Variants in VEZT observed in about 807,000 individuals in gnomAD.
The protein encoded by VEZT is vezatin, adherens junctions transmembrane protein, also known as vezatin.
In VEZT, 39 loss-of-function variants were observed where a neutral mutation model predicts 79.9. The ratio of observed to expected loss-of-function variants is 0.49; its 90% confidence interval spans 0.38 to 0.64. The LOEUF is 0.64. Ranked by LOEUF, VEZT falls within the 30% of genes least tolerant of loss-of-function variation. The probability of loss-of-function intolerance (pLI) is 0.00; values close to 1 mark genes in which losing one functional copy is unlikely to be tolerated. For synonymous variants in VEZT, 325 were observed against 327.6 expected (o/e 0.99, Z 0.09); for missense variants, 837 against 893.1 (o/e 0.94, Z 0.80).
At chr12:95,247,960 A>G (rs78552001) in intron 1 of VEZT, among the ~76,000 whole-genome samples, 10,284 of 152,244 alleles carry the variant, frequency 0.068, 422 homozygotes, top group South Asian at 0.11. Context: ...TAAACCTGCA[A>G]TACATTCACC....
At chr12:95,229,404 C>T (rs558004474) in intron 1 of VEZT, among the ~76,000 whole-genome samples, 4 of 152,092 alleles carry the variant, frequency 2.6e-5, no homozygotes, top group African/African-American at 4.8e-5. Flanking sequence ...GAGGACCAGA[C>T]GAGGAGTCAA....
chr12:95,271,176 CTT>C (rs1410697665), intron 6 of VEZT, among the ~76,000 whole-genome samples: 1 of 150,074 alleles, frequency 6.7e-6, no homozygotes, highest in Non-Finnish European at 1.5e-5. Context: ...TTTTCTCTCT[CTT>C]TCTCTCTCTT....
chr12:95,269,385 A>G (rs1269059833), intron 5 of VEZT, among the ~76,000 whole-genome samples: 2 of 152,102 alleles, frequency 1.3e-5, no homozygotes, highest in Non-Finnish European at 2.9e-5. Context: ...TTGCCTTTCT[A>G]CTTGTATTCC....
At chr12:95,231,195 T>G (rs576873719) in intron 1 of VEZT, among the ~76,000 whole-genome samples, 3 of 152,338 alleles carry the variant, frequency 2.0e-5, no homozygotes, top group African/African-American at 7.2e-5. Context: ...TGTGTCTTAC[T>G]TTTTCTTGGT....
chr12:95,276,259 C>CTTTTT (rs35034660), intron 7 of VEZT, among the ~76,000 whole-genome samples: 71 of 75,132 alleles, frequency 9.5e-4, no homozygotes, highest in Admixed American at 1.2e-3. Context: ...TAATTTTTTT[C>CTTTTT]TTTTTTTTTT....
Position 95,282,444 on chromosome 12 carries a change from T to C in VEZT, c.1128T>C (p.Asp376=). ...TTCTGCCTCATCGTATCTTATCTGA[T>C]GTGACTCAAGGTCTACCTCATGCTC... The part of the protein sequence containing the change: ...PALLPHRILS[D]VTQGLPHAHS... Residue 376 remains aspartate (D), a synonymous_variant, in exon 8 of 12, where the codon GAT becomes GAC. Coordinates refer to ENST00000436874, the MANE Select transcript of VEZT (RefSeq NM_017599.4). 6.2e-7 allele frequency: 1 copy of C among 1,614,036 alleles called. No individual in the cohort carries two copies. Among genetic ancestry groups the C allele is most frequent in the Non-Finnish European group, 8.5e-7 (1 of 1,179,898 alleles).
At chr12:95,230,774 T>C (rs2059169318) in intron 1 of VEZT, among the ~76,000 whole-genome samples, 1 of 150,602 alleles carries the variant, frequency 6.6e-6, no homozygotes, top group Non-Finnish European at 1.5e-5. Flanking sequence ...TTGCTTCTGC[T>C]CTGCATTCAT....
chr12:95,271,004 C>T (rs1370083183), intron 6 of VEZT, among the ~76,000 whole-genome samples: 1 of 152,110 alleles, frequency 6.6e-6, no homozygotes, highest in African/African-American at 2.4e-5. Context: ...TTACAGGGTG[C>T]TTTATGTTCT....
At chr12:95,285,476 C>T (rs1594053669) in intron 8 of VEZT, among the ~76,000 whole-genome samples, 1 of 151,444 alleles carries the variant, frequency 6.6e-6, no homozygotes, top group Non-Finnish European at 1.5e-5. Flanking sequence ...AAAGAACAAC[C>T]TTCCTCACCT....
intron 1 of VEZT, 21 bp downstream of exon 1, chr12:95,217,907 G>A (rs2056920961): frequency 6.7e-7 from 1 of 1,497,702 alleles, no homozygotes; most frequent in Non-Finnish European, 8.9e-7. Flanking sequence ...AATGGCGGTG[G>A]GTGTGGATTG....
At chr12:95,228,371 C>T (rs1593057259) in intron 1 of VEZT, among the ~76,000 whole-genome samples, 1 of 152,166 alleles carries the variant, frequency 6.6e-6, no homozygotes, top group Middle Eastern at 3.4e-3. Context: ...TTCTTTCTTA[C>T]TTGTATTATT....
chr12:95,272,780 C>T (rs1292138710), intron 6 of VEZT, among the ~76,000 whole-genome samples: 3 of 152,176 alleles, frequency 2.0e-5, no homozygotes, highest in African/African-American at 7.2e-5. Flanking sequence ...TCTTTTGAGA[C>T]AGTGTCTCAT....
At position 95,287,793 on chromosome 12, in the gene VEZT, C is replaced by T. The variant is rs754742583; in HGVS notation, c.1458C>T (p.Asn486=). 6 of 1,608,384 alleles carry T rather than the reference C, an allele frequency of 3.7e-6. No individual in the cohort carries two copies. The South Asian group carries it at 6.7e-5, about 18-fold the overall frequency. ...KLIQPHVQAS[N]NCWEEAISQV... ...TTCAGCCCCACGTTCAAGCAAGCAA[C>T]AATTGCTGGGAAGAGGCCATTTCTC... The change falls in exon 9 of 12, where the codon AAC becomes AAT. Residue 486 remains asparagine, a synonymous_variant. Coordinates refer to ENST00000436874, the MANE Select transcript of VEZT (RefSeq NM_017599.4).
At chr12:95,269,764 G>C (rs2066237227) in intron 5 of VEZT, 1 of 252,586 alleles carries the variant, frequency 4.0e-6, no homozygotes, top group African/African-American at 2.3e-5. Context: ...TTATATCTCA[G>C]CCAGAATCCA....
chr12:95,288,758 C>G (rs2071682179), intron 9 of VEZT, among the ~76,000 whole-genome samples: 1 of 152,064 alleles, frequency 6.6e-6, no homozygotes, highest in Non-Finnish European at 1.5e-5. Context: ...CTTAATATCT[C>G]AAATGTAAAC....
At chr12:95,264,974 G>A (rs544880038) in intron 4 of VEZT, among the ~76,000 whole-genome samples, 6 of 144,442 alleles carry the variant, frequency 4.2e-5, no homozygotes, top group East Asian at 2.1e-4. Context: ...TGATCCCTCC[G>A]CCTCAGCCTC....
chr12:95,223,793 G>A (rs796577026), intron 1 of VEZT, among the ~76,000 whole-genome samples: 22 of 152,222 alleles, frequency 1.4e-4, no homozygotes, highest in African/African-American at 4.8e-4. Context: ...TGTTTGGTCA[G>A]TTCTATTGAA....
chr12:95,220,107 G>A (rs1366136195), intron 1 of VEZT, among the ~76,000 whole-genome samples: 1 of 152,158 alleles, frequency 6.6e-6, no homozygotes, highest in Non-Finnish European at 1.5e-5. Flanking sequence ...ACAAGTGTGT[G>A]GATGGTTATA....
chr12:95,257,266 T>A (rs1175126771), intron 3 of VEZT, 27 bp downstream of exon 3: 1 of 1,535,732 alleles, frequency 6.5e-7, no homozygotes, highest in Non-Finnish European at 8.9e-7. Flanking sequence ...TTTTGCCACT[T>A]TTCAGGGTTC....
Sources: gnomAD v4.1 joint callset for allele counts (sites outside exome capture counted in the v4.1 genomes callset) on GRCh38, gnomAD v4.1.1 for gene constraint, MANE v1.5 for transcripts, NCBI Gene and HGNC (gene_info 2026-07-23, HGNC 2026-07-21) for gene names.